The following LMLN variants were observed in gnomAD, a reference collection of about 807,000 sequenced individuals.
The protein encoded by LMLN is leishmanolysin-like peptidase.
Under a neutral mutation model 92.3 loss-of-function variants are expected in LMLN, and 70 were observed. That is an observed-to-expected ratio of 0.76 (90% CI 0.63 to 0.92). LMLN has a LOEUF of 0.92. Ranked by LOEUF, LMLN falls within the 40% of genes least tolerant of loss-of-function variation. The pLI is 0.00. For synonymous variants in LMLN, 308 were observed against 296.2 expected (o/e 1.04, Z -0.41); for missense variants, 691 against 814.6 (o/e 0.85, Z 1.85).
chr3:197,993,421 T>C (rs1248314927), intron 9 of LMLN, among the ~76,000 whole-genome samples: 1 of 151,732 alleles, frequency 6.6e-6, no homozygotes, highest in East Asian at 1.9e-4. Flanking sequence ...GGATACAAAA[T>C]CAACACACAA....
rs576344256 is a variant in LMLN, at chr3:198,032,981, C to CT, written c.1657-2850dup. On this transcript the variant is annotated intron_variant, in intron 14 of 15. Transcript: ENST00000330198. ...TGTGGCTGTGGCAGTCCTGAGCCCT[C>CT]TTGTGTTCTGCAGATCAGTTTCTTC... Among the ~76,000 whole-genome samples, 249 of 152,274 alleles carry CT rather than the reference C, an allele frequency of 1.6e-3. 1 individual carries two copies. Among genetic ancestry groups the CT allele is most frequent in the African/African-American group, 5.5e-3 (230 of 41,544 alleles).
intron 11 of LMLN, among the ~76,000 whole-genome samples, chr3:198,000,790 T>G (rs1468440977): frequency 6.6e-6 from 1 of 152,188 alleles, no homozygotes; most frequent in African/African-American, 2.4e-5. Flanking sequence ...AGTACAGCGC[T>G]TGGCACACTG....
intron 11 of LMLN, among the ~76,000 whole-genome samples, chr3:198,014,980 C>T (rs1242687440): frequency 4.2e-4 from 55 of 130,738 alleles, no homozygotes; most frequent in African/African-American, 1.1e-3. Context: ...GACTTCTCTC[C>T]ACCGTTCAGA....
exon 16 of LMLN, chr3:198,040,619 TCCTCCTACTCCTCCA>T (rs1723377484): frequency 9.7e-6 from 1 of 102,850 alleles, no homozygotes; most frequent in African/African-American, 5.3e-5. Context: ...TCGGACAGAC[TCCTCCTACTCCTCCA>T]TGGCATTGTA....
Position 198,019,487 on chromosome 3 carries a change from C to T in LMLN, c.1365+102C>T, listed in dbSNP as rs1464791217. Reference sequence around the variant, plus strand: ...CTCTTAAGATTCTTAATTTATAAGGCCTTGTTTGTTTTCTGTAAGTTAGAA... The same window carrying T: ...CTCTTAAGATTCTTAATTTATAAGGTCTTGTTTGTTTTCTGTAAGTTAGAA... On this transcript the variant is annotated intron_variant, in intron 12 of 15. Transcript: ENST00000330198. This position sits in a 1 kb window ranked among gnomAD's most constrained non-coding sequence, Gnocchi z 5.5. 1.7e-6 allele frequency: 2 copies of T among 1,186,562 alleles called. No homozygotes were observed. The highest frequency in any genetic ancestry group is 5.1e-5 in the East Asian group (2 of 39,384). 73.5% of individuals were successfully genotyped at this position (1,186,562 alleles called of 1,614,324 possible).
chr3:198,013,726 T>A (rs1460833349), intron 11 of LMLN, among the ~76,000 whole-genome samples: 6 of 122,778 alleles, frequency 4.9e-5, no homozygotes, highest in Non-Finnish European at 8.4e-5. Flanking sequence ...CTCTCCACCC[T>A]TCAGAGTCCC....
intron 13 of LMLN, among the ~76,000 whole-genome samples, chr3:198,022,790 C>T (rs148294305): frequency 9.9e-5 from 15 of 152,244 alleles, no homozygotes; most frequent in South Asian, 2.1e-4. Context: ...GCCCAGGAGG[C>T]GGAGTTTGCA....
At chr3:198,024,470 C>T (rs1722870895) in intron 13 of LMLN, among the ~76,000 whole-genome samples, 188 bp from the exon 15 acceptor site, 1 of 152,176 alleles carries the variant, frequency 6.6e-6, no homozygotes, top group Admixed American at 6.5e-5. Flanking sequence ...CCACCTCAGC[C>T]TCACAAAACC....
At chr3:198,035,134 T>A (rs941917402) in intron 14 of LMLN, among the ~76,000 whole-genome samples, 1 of 143,976 alleles carries the variant, frequency 6.9e-6, no homozygotes, top group African/African-American at 2.6e-5. Flanking sequence ...CCCAAGGTAC[T>A]CAAAGCTGCA....
At chr3:198,006,311 A>G (rs1560147453) in intron 11 of LMLN, among the ~76,000 whole-genome samples, 1 of 152,194 alleles carries the variant, frequency 6.6e-6, no homozygotes, top group Non-Finnish European at 1.5e-5. Context: ...TTGTTTAAAC[A>G]TTCACACTTT....
At chr3:198,008,207 T>A (rs549111726) in intron 11 of LMLN, among the ~76,000 whole-genome samples, 1 of 152,294 alleles carries the variant, frequency 6.6e-6, no homozygotes, top group South Asian at 2.1e-4. Flanking sequence ...TTTTCCCCAA[T>A]TATTTTACCT....
At chr3:198,037,755 G>A (rs924390038) in intron 15 of LMLN, among the ~76,000 whole-genome samples, 1 of 152,224 alleles carries the variant, frequency 6.6e-6, no homozygotes, top group Non-Finnish European at 1.5e-5. Flanking sequence ...TTTCCATTAT[G>A]AGAACTGTTT....
intron 15 of LMLN, among the ~76,000 whole-genome samples, chr3:198,037,860 A>T (rs1277138279): frequency 6.6e-6 from 1 of 152,200 alleles, no homozygotes; most frequent in Non-Finnish European, 1.5e-5. Flanking sequence ...AGTCTGATTG[A>T]TTGGTGATAT....
At chr3:198,001,191 A>C (rs765747402) in intron 11 of LMLN, among the ~76,000 whole-genome samples, 1 of 152,024 alleles carries the variant, frequency 6.6e-6, no homozygotes, top group African/African-American at 2.4e-5. Context: ...TCACACTTCA[A>C]ATGTTTTGTT....
chr3:197,970,905 T>G (rs1170773061), intron 1 of LMLN, among the ~76,000 whole-genome samples: 2 of 152,228 alleles, frequency 1.3e-5, no homozygotes, highest in Non-Finnish European at 2.9e-5. Context: ...TTTGTGTTAT[T>G]TCCATTCCCA....
chr3:198,032,829 A>G (rs1222460634), intron 14 of LMLN, among the ~76,000 whole-genome samples: 1 of 152,218 alleles, frequency 6.6e-6, no homozygotes, highest in East Asian at 1.9e-4. Flanking sequence ...TACCCAAACT[A>G]TATCAGCTGG....
chr3:197,988,943 A>T (rs556904293), intron 8 of LMLN, among the ~76,000 whole-genome samples: 1 of 152,320 alleles, frequency 6.6e-6, no homozygotes, highest in African/African-American at 2.4e-5. Flanking sequence ...TCGGCCTCCC[A>T]AAGTGCTGGG....
rs187093896 is a variant in LMLN at position 197,965,463 on chromosome 3, G to T, written c.219+5023G>T. Among the ~76,000 whole-genome samples, 14 of 151,490 alleles carry T rather than the reference G, an allele frequency of 9.2e-5. No homozygotes were observed. The East Asian group carries it at 2.7e-3, about 29-fold the overall frequency. On this transcript the variant is annotated intron_variant, in intron 1 of 15. Transcript: ENST00000330198. ...AGTATGTTGCCCGGGCTGGTCTTGA[G>T]CTCCTGGACTCAAGCAATCCTCCTG...
intron 1 of LMLN, among the ~76,000 whole-genome samples, chr3:197,968,652 G>A (rs113485849): frequency 0.012 from 1,863 of 152,158 alleles, 16 homozygotes; most frequent in Non-Finnish European, 0.017. Flanking sequence ...GCCTCCAGCC[G>A]GTCCCTCCGT....
Sources: allele counts gnomAD v4.1 joint callset (sites outside exome capture counted in the v4.1 genomes callset), GRCh38; gene constraint gnomAD v4.1.1; non-coding constraint Gnocchi (gnomAD v3.1); transcripts MANE v1.5; gene names NCBI Gene and HGNC (gene_info 2026-07-23, HGNC 2026-07-21).